Variants in MAST2 observed in about 807,000 individuals in gnomAD.
MAST2 encodes the protein microtubule associated serine/threonine kinase 2.
A neutral mutation model predicts 147.4 loss-of-function variants in MAST2; 70 were observed. The observed-to-expected ratio is 0.47, with a 90% CI of 0.39 to 0.58. The LOEUF (loss-of-function observed/expected upper bound fraction) is 0.58. MAST2 is among the 20% of genes least tolerant of loss of function. The probability of loss-of-function intolerance (pLI) is 0.00; values close to 1 mark genes in which losing one functional copy is unlikely to be tolerated. For synonymous variants in MAST2, 869 were observed against 896.8 expected, an observed-to-expected ratio of 0.97 and a Z score of 0.55; for missense variants, 2,080 against 2,302.3, an observed-to-expected ratio of 0.90 and a Z score of 1.98.
chr1:45,905,877 T>A (rs1650636774), intron 4 of MAST2, among the ~76,000 whole-genome samples: 1 of 152,122 alleles, frequency 6.6e-6, no homozygotes, highest in South Asian at 2.1e-4. Context: ...AATTGCCACA[T>A]AATTTTCCAA....
chr1:45,840,563 C>T (rs79416816), intron 3 of MAST2, among the ~76,000 whole-genome samples: 4 of 152,140 alleles, frequency 2.6e-5, no homozygotes, highest in South Asian at 4.1e-4. Context: ...ATTAAGACTT[C>T]GCTCATGCAG....
chr1:45,888,110 C>T (rs1017698371), intron 4 of MAST2, among the ~76,000 whole-genome samples: 2 of 152,154 alleles, frequency 1.3e-5, no homozygotes, highest in South Asian at 2.1e-4. Flanking sequence ...ACATTTATAT[C>T]GCTAGATCTC....
chr1:45,833,165 T>G (rs1414643542), intron 3 of MAST2, among the ~76,000 whole-genome samples: 3 of 152,236 alleles, frequency 2.0e-5, no homozygotes, highest in African/African-American at 7.2e-5. Flanking sequence ...ATATCATGTT[T>G]TGTTTAGCTG....
At chr1:46,027,622 C>A in intron 16 of MAST2, 109 bp from the exon 17 acceptor site, 1 of 1,211,924 alleles carries the variant, frequency 8.3e-7, no homozygotes, top group Non-Finnish European at 1.2e-6. Flanking sequence ...CAGCTTGTGT[C>A]TCACAGTACC....
rs1215670811 is a variant in MAST2, at chr1:46,032,857, C to T, written c.3537+139C>T. On this transcript the variant is annotated intron_variant, in intron 26 of 28. Transcript: ENST00000361297. ...GATGTAGGTACACACAGGCCGGGCG[C>T]GGTGGCTCATGCCTGTAAATCCCAA... The T allele has an allele frequency of 7.7e-5, 91 of 1,182,120 alleles. No homozygotes were observed. The East Asian group carries it at 7.8e-4, about 10-fold the overall frequency. The allele number at this position is 1,182,120 out of a possible 1,614,324, so 73.2% of individuals were successfully genotyped here.
chr1:45,972,910 T>C (rs1463617671), intron 5 of MAST2, among the ~76,000 whole-genome samples: 4 of 152,206 alleles, frequency 2.6e-5, no homozygotes, highest in Non-Finnish European at 4.4e-5. Context: ...ACTACTCAAG[T>C]GTTAACCCTT....
intron 4 of MAST2, among the ~76,000 whole-genome samples, chr1:45,921,450 A>G (rs901195781): frequency 6.6e-6 from 1 of 152,096 alleles, no homozygotes; most frequent in African/African-American, 2.4e-5. Flanking sequence ...ACTTGCCTCA[A>G]GCTACCAGCC....
chr1:45,965,731 A>G (rs1325102498), intron 5 of MAST2, among the ~76,000 whole-genome samples: 1 of 151,156 alleles, frequency 6.6e-6, no homozygotes, highest in Non-Finnish European at 1.5e-5. Flanking sequence ...TTTTTTTTTT[A>G]ATTATTTCTT....
intron 3 of MAST2, among the ~76,000 whole-genome samples, chr1:45,859,061 T>A (rs1040195176): frequency 6.6e-6 from 1 of 152,180 alleles, no homozygotes; most frequent in Non-Finnish European, 1.5e-5. Flanking sequence ...CCAGCTTTGT[T>A]CTTTTGGCTT....
intron 4 of MAST2, among the ~76,000 whole-genome samples, chr1:45,933,168 A>G (rs112313609): frequency 8.1e-6 from 1 of 122,700 alleles, no homozygotes; most frequent in African/African-American, 3.1e-5. Context: ...GGTTGCAGTG[A>G]GTTATGATCA....
At chr1:45,806,823 C>T (rs917417570) in intron 1 of MAST2, among the ~76,000 whole-genome samples, 31 of 152,106 alleles carry the variant, frequency 2.0e-4, no homozygotes, top group African/African-American at 7.2e-4. Context: ...ATGATCTGCC[C>T]GCCTTGGCCT....
intron 3 of MAST2, among the ~76,000 whole-genome samples, chr1:45,849,037 A>G (rs1395647994): frequency 6.6e-6 from 1 of 152,196 alleles, no homozygotes; most frequent in Non-Finnish European, 1.5e-5. Context: ...GAGGTGCAAG[A>G]TTTCTACAAT....
rs532392083 is a variant in MAST2 at position 45,915,098 on chromosome 1, T to G, written c.500+32703T>G. On this transcript the variant is annotated intron_variant, in intron 4 of 28. Coordinates refer to ENST00000361297, the MANE Select transcript of MAST2 (RefSeq NM_015112.3). ...GGCATGCACCACCAAGCCTGGCTAA[T>G]TTTTTAATTTTTTTGTAGAAATAAG... Among the ~76,000 whole-genome samples, 3 of 152,218 alleles carry G rather than the reference T, an allele frequency of 2.0e-5. No individual in the cohort carries two copies. The East Asian group carries it at 5.8e-4, about 29-fold the overall frequency.
Position 46,031,423 on chromosome 1 carries a change from C to A in MAST2, c.3025C>A (p.Leu1009Met). The change falls in exon 24 of 29, where the codon CTG becomes ATG. Residue 1009 changes from leucine (L) to methionine (M), a missense_variant. By Grantham distance (15) the Leu-to-Met change is conservative. This residue lies in a region of MAST2 where 1,278 missense variants were observed against 1,304.2 expected (regional missense o/e 0.98). Coordinates refer to ENST00000361297, the MANE Select transcript of MAST2 (RefSeq NM_015112.3). The surrounding 1 kb of genome is among the most constrained non-coding windows in gnomAD (Gnocchi z 4.1). ...GACCCGAGGCCGTGGGACCTCACAG[C>A]TGGCTGAGGGAGCCACAGCCAAGGC... ...METRGRGTSQ[L>M]AEGATAKAIS... 1 of 1,613,838 alleles carries A rather than the reference C, an allele frequency of 6.2e-7. No individual in the cohort carries two copies. The highest frequency in any genetic ancestry group is 8.5e-7 in the Non-Finnish European group (1 of 1,179,818).
At position 45,855,186 on chromosome 1, in the gene MAST2, A is replaced by G. The variant is rs1283922849; in HGVS notation, c.468+25605A>G. 3.3e-5 allele frequency among the ~76,000 whole-genome samples: 5 copies of G among 152,320 alleles called. No homozygotes were observed. The South Asian group carries it at 1.0e-3, about 32-fold the overall frequency. On this transcript the variant is annotated intron_variant, in intron 3 of 28. Transcript: ENST00000361297. ...GCCTCCATACAGGAGCCCAGTTAAC[A>G]TTCCCTTTGTTAGAACAGAAGGCAT...
intron 4 of MAST2, among the ~76,000 whole-genome samples, chr1:45,926,460 A>C (rs1484931853): frequency 6.6e-6 from 1 of 152,242 alleles, no homozygotes; most frequent in East Asian, 1.9e-4. Context: ...AAGCTCCATT[A>C]CTGGCTTAGG....
At chr1:46,019,569 AT>A (rs745853252) in intron 10 of MAST2, 26 bp from the exon 11 acceptor site, 24 of 1,598,026 alleles carry the variant, frequency 1.5e-5, no homozygotes, top group East Asian at 1.3e-4. Context: ...GGGCCAATAG[AT>A]TAAGCAACGC....
chr1:45,893,892 T>G (rs1648281859), intron 4 of MAST2, among the ~76,000 whole-genome samples: 6 of 152,100 alleles, frequency 3.9e-5, no homozygotes, highest in Admixed American at 3.9e-4. Flanking sequence ...AGAAAACACG[T>G]CTTTGTGATT....
At chr1:45,922,819 T>G (rs1653746377) in intron 4 of MAST2, among the ~76,000 whole-genome samples, 1 of 152,106 alleles carries the variant, frequency 6.6e-6, no homozygotes, top group African/African-American at 2.4e-5. Context: ...CAGCCCCAGC[T>G]CCATCTCCTA....
Sources: allele counts gnomAD v4.1 joint callset (sites outside exome capture counted in the v4.1 genomes callset), GRCh38; gene constraint gnomAD v4.1.1; regional missense constraint gnomAD v4.1.1; non-coding constraint Gnocchi (gnomAD v3.1); transcripts MANE v1.5; gene names NCBI Gene and HGNC (gene_info 2026-07-23, HGNC 2026-07-21).